The following TRAPPC4 variants were observed in gnomAD, a reference collection of about 807,000 sequenced individuals.
TRAPPC4 encodes the protein trafficking protein particle complex subunit 4.
TRAPPC4 carries 30 observed loss-of-function variants against 23.5 expected under a neutral mutation model. That is an observed-to-expected ratio of 1.28 (90% CI 0.96 to 1.73). The LOEUF is 1.73. Ranked by LOEUF, TRAPPC4 falls within the 40% of genes most tolerant of loss-of-function variation. The pLI, the probability that TRAPPC4 is intolerant of heterozygous loss-of-function variation, is 0.00. For synonymous variants in TRAPPC4, 129 were observed against 105.3 expected (o/e 1.23, Z -1.38); for missense variants, 252 against 268.9 (o/e 0.94, Z 0.44).
chr11:119,019,489 T>C, intron 2 of TRAPPC4, 172 bp downstream of exon 2: 1 of 667,312 alleles, frequency 1.5e-6, no homozygotes, highest in South Asian at 2.0e-5. Flanking sequence ...TTACCCAGGC[T>C]GGAGCGCAGT....
chr11:119,019,343 A>C, intron 2 of TRAPPC4, 26 bp downstream of exon 2: 1 of 1,596,898 alleles, frequency 6.3e-7, no homozygotes, highest in Non-Finnish European at 8.6e-7. Flanking sequence ...CCTGAACGGC[A>C]GCGCTTGTAA....
chr11:119,022,908 G>A (rs1943410048), intron 4 of TRAPPC4: 1 of 151,368 alleles, frequency 6.6e-6, no homozygotes, highest in African/African-American at 2.5e-5. Flanking sequence ...ACTTTCCTTG[G>A]TGTTTATGTC....
At chr11:119,021,512 A>G (rs1216725893) in intron 3 of TRAPPC4, 1 of 342,738 alleles carries the variant, frequency 2.9e-6, no homozygotes, top group African/African-American at 2.1e-5. Context: ...CAAAACTGTT[A>G]GTAAGTGGCA....
chr11:119,021,267 T>C (rs1290465747), intron 3 of TRAPPC4: 1 of 153,084 alleles, frequency 6.5e-6, no homozygotes, highest in Non-Finnish European at 1.5e-5. Flanking sequence ...AAACTGATTT[T>C]GTCCATGCCA....
chr11:119,020,009 T>C, intron 2 of TRAPPC4, 141 bp from the exon 3 acceptor site: 1 of 543,768 alleles, frequency 1.8e-6, no homozygotes, highest in South Asian at 2.7e-5. Context: ...TTAGAAATTT[T>C]GACACTACTG....
At chr11:119,023,034 G>A (rs554993018) in intron 4 of TRAPPC4, 95 of 174,410 alleles carry the variant, frequency 5.4e-4, no homozygotes, top group Admixed American at 9.9e-4. Context: ...GTGCCATCAC[G>A]GCTCACCACA....
At chr11:119,023,278 C>T in intron 4 of TRAPPC4, 43 bp from the exon 5 acceptor site, 10 of 1,597,178 alleles carry the variant, frequency 6.3e-6, no homozygotes, top group Non-Finnish European at 6.0e-6. Flanking sequence ...GGGAGAAAGC[C>T]TCAGGCCTCA....
rs782481416 is a variant in TRAPPC4 at position 119,023,443 on chromosome 11, C to T, written c.*44C>T. The T allele has an allele frequency of 9.5e-6, 15 of 1,572,076 alleles. No individual in the cohort carries two copies. The African/African-American group carries it at 1.8e-4, about 18-fold the overall frequency. On this transcript the variant is annotated 3_prime_UTR_variant, in exon 5 of 5. Coordinates refer to ENST00000533632, the MANE Select transcript of TRAPPC4 (RefSeq NM_016146.6). ...CCCCAAATTCTGAGAGTTCCTGCAACAAGAATACTGCTGTTGACACTCCAG... is the reference window on the plus strand; with the variant it reads ...CCCCAAATTCTGAGAGTTCCTGCAATAAGAATACTGCTGTTGACACTCCAG...
At position 119,021,756 on chromosome 11, in the gene TRAPPC4, C is replaced by G; in HGVS notation, c.455-4C>G. 6.2e-7 allele frequency: 1 copy of G among 1,613,962 alleles called. No homozygotes were observed. Among genetic ancestry groups the G allele is most frequent in the Non-Finnish European group, 8.5e-7 (1 of 1,179,922 alleles). On this transcript the variant is annotated splice_polypyrimidine_tract_variant and splice_region_variant and intron_variant, in intron 3 of 4. Transcript: ENST00000533632. ...TTTGGTAACCATTCTTGGTCTCTCTCCAGGGATCAAGTTTGTGGTTCTAGC... is the reference window on the plus strand; with the variant it reads ...TTTGGTAACCATTCTTGGTCTCTCTGCAGGGATCAAGTTTGTGGTTCTAGC...
intron 3 of TRAPPC4, 76 bp downstream of exon 3, chr11:119,020,329 G>A (rs1428239807): frequency 8.0e-7 from 1 of 1,251,432 alleles, no homozygotes; most frequent in Non-Finnish European, 1.1e-6. Flanking sequence ...TGCATCTCCA[G>A]GTGGGCCAGA....
At chr11:119,019,520 C>A (rs1166507375) in intron 2 of TRAPPC4, 13 of 563,860 alleles carry the variant, frequency 2.3e-5, no homozygotes, top group Non-Finnish European at 2.5e-5. Flanking sequence ...CGGCTCACTG[C>A]AGCCTCTGCC....
chr11:119,020,380 G>C (rs1943322345), intron 3 of TRAPPC4, 127 bp downstream of exon 3: 1 of 686,442 alleles, frequency 1.5e-6, no homozygotes, highest in Non-Finnish European at 2.6e-6. Context: ...GTTGACCAAA[G>C]ACACCTTTGG....
rs781907829 is a variant in TRAPPC4 at position 119,023,351 on chromosome 11, A to G, written c.612A>G (p.Leu204=). The G allele has an allele frequency of 1.9e-6, 3 of 1,613,968 alleles. No individual in the cohort carries two copies. The highest frequency in any genetic ancestry group is 1.3e-5 in the African/African-American group (1 of 74,908). ...RCELFDQNLK[L]ALEVAEKAGT... ...AGCTCTTTGACCAGAACCTGAAGCT[A>G]GCTCTGGAGGTGGCAGAGAAGGCTG... The change falls in exon 5 of 5, where the codon CTA becomes CTG. Residue 204 remains leucine (L), a synonymous_variant. Coordinates refer to ENST00000533632, the MANE Select transcript of TRAPPC4 (RefSeq NM_016146.6).
Position 119,020,138 on chromosome 11 carries a change from C to T in TRAPPC4, c.351-12C>T. 6.2e-7 allele frequency: 1 copy of T among 1,608,818 alleles called. No homozygotes were observed. Among genetic ancestry groups the T allele is most frequent in the South Asian group, 1.1e-5 (1 of 90,930 alleles). On this transcript the variant is annotated splice_polypyrimidine_tract_variant and intron_variant, in intron 2 of 4. Transcript: ENST00000533632. ...TCCTTCCTTAGAGCAACTTTGCCTC[C>T]TTTGCATATAGGCTCTTTGCCATCG... is the stretch of plus-strand genomic sequence containing the variant.
chr11:119,022,674 G>C (rs997311572), intron 4 of TRAPPC4, among the ~76,000 whole-genome samples: 4 of 152,210 alleles, frequency 2.6e-5, no homozygotes, highest in Non-Finnish European at 5.9e-5. Context: ...CGGATCACTT[G>C]AGGTCAGGAG....
chr11:119,023,387 A>G lies in TRAPPC4; in HGVS notation c.648A>G (p.Gly216=), dbSNP rs1319423550. 2 of 1,613,994 alleles carry G rather than the reference A, an allele frequency of 1.2e-6. No homozygotes were observed. The highest frequency in any genetic ancestry group is 1.7e-6 in the Non-Finnish European group (2 of 1,179,948). ...LEVAEKAGTF[G]PGS is the part of the protein sequence containing the mutation. ...TGGCAGAGAAGGCTGGAACTTTTGGACCTGGGTCATAGGCTGAACCTGTTA... is the reference window on the plus strand; with the variant it reads ...TGGCAGAGAAGGCTGGAACTTTTGGGCCTGGGTCATAGGCTGAACCTGTTA... The change falls in exon 5 of 5, where the codon GGA becomes GGG. Residue 216 remains glycine (G), a synonymous_variant. Coordinates refer to ENST00000533632, the MANE Select transcript of TRAPPC4 (RefSeq NM_016146.6).
intron 2 of TRAPPC4, chr11:119,019,934 G>C: frequency 2.1e-6 from 1 of 479,478 alleles, no homozygotes; most frequent in South Asian, 3.0e-5. Flanking sequence ...TTTACCCAAA[G>C]TTTTAGATGT....
rs537051515 is a variant in TRAPPC4 at position 119,022,029 on chromosome 11, G to T, written c.581+143G>T. On this transcript the variant is annotated intron_variant, in intron 4 of 4. Coordinates refer to ENST00000533632, the MANE Select transcript of TRAPPC4 (RefSeq NM_016146.6). ...GACGGAGTTTCGCTCTTGTTGCCCA[G>T]GCTGGAGTGCAATGATGCGATCTTG... The T allele has an allele frequency of 1.5e-5, 16 of 1,099,964 alleles. No individual in the cohort carries two copies. The African/African-American group carries it at 2.3e-4, about 16-fold the overall frequency. 68.1% of individuals were successfully genotyped at this position (1,099,964 alleles called of 1,614,324 possible). A position where few individuals can be genotyped will look rare whatever the true frequency, so the allele number is the denominator to read the frequency against.
intron 2 of TRAPPC4, 22 bp downstream of exon 2, chr11:119,019,339 C>CGGCA (rs1565679566): frequency 1.3e-6 from 2 of 1,598,130 alleles, no homozygotes; most frequent in African/African-American, 2.7e-5. Context: ...GTCTCCTGAA[C>CGGCA]GGCAGCGCTT....
Sources: allele counts gnomAD v4.1 joint callset (sites outside exome capture counted in the v4.1 genomes callset), GRCh38; gene constraint gnomAD v4.1.1; transcripts MANE v1.5; gene names NCBI Gene and HGNC (gene_info 2026-07-23, HGNC 2026-07-21).